The following YBX2 variants were observed in gnomAD, a reference collection of about 807,000 sequenced individuals.
YBX2 encodes the protein Y-box binding protein 2.
A neutral mutation model predicts 44.4 loss-of-function variants in YBX2; 5 were observed. The observed-to-expected ratio is 0.11, with a 90% CI of 0.06 to 0.24. YBX2 has a LOEUF of 0.24. YBX2 is among the 10% of genes least tolerant of loss of function. The pLI is 1.00. For missense variants in YBX2, 417 were observed against 526.9 expected (o/e 0.79, Z 2.04); for synonymous variants, 188 against 216.1 (o/e 0.87, Z 1.14).
intron 2 of YBX2, 64 bp from the exon 3 acceptor site, chr17:7,292,123 T>TCC (rs1325341940): frequency 7.7e-5 from 120 of 1,562,674 alleles, no homozygotes; most frequent in Non-Finnish European, 1.0e-4. Flanking sequence ...CTCACTGAGG[T>TCC]CCCCCTAGAT....
Position 7,289,702 on chromosome 17 carries a change from T to C in YBX2, c.872A>G (p.Gln291Arg). 1 of 1,611,250 alleles carries C rather than the reference T, an allele frequency of 6.2e-7. No homozygotes were observed. The highest frequency in any genetic ancestry group is 2.2e-5 in the East Asian group (1 of 44,822). ...ATCCCCACCTTCTGTGGTAGGCTGC[T>C]GGCGTGGCCTGGGGCGGAAAGGCCT... ...YRRPFRPRPR[Q>R]QPTTEGGDGE... Residue 291 changes from glutamine (Q) to arginine (R), a missense_variant, in exon 7 of 9, where the codon CAG (glutamine) becomes CGG (arginine). Physicochemically the swap from Gln to Arg is conservative, Grantham distance 43. Transcript: ENST00000007699.
rs1415307218 is a variant in YBX2 at position 7,294,337 on chromosome 17, G to A, written c.164C>T (p.Ala55Val). ...GGGGAASGPAAGTPSAPGSRT... is the reference protein window; with the variant it reads ...GGGGAASGPAVGTPSAPGSRT... ...GGAGCCCGGCGCCGAGGGGGTCCCA[G>A]CAGCGGGGCCCGAGGCGGCTCCGCC... Residue 55 changes from alanine (A) to valine (V), a missense_variant, in exon 1 of 9, where the codon GCT becomes GTT. By Grantham distance (64) the Ala-to-Val change is moderately conservative. Transcript: ENST00000007699. This position sits in a 1 kb window ranked among gnomAD's most constrained non-coding sequence, Gnocchi z 4.6. 22 of 1,321,036 alleles carry A rather than the reference G, an allele frequency of 1.7e-5. No homozygotes were observed. Among genetic ancestry groups the A allele is most frequent in the Non-Finnish European group, 2.0e-5 (21 of 1,041,812 alleles). 81.8% of individuals were successfully genotyped at this position (1,321,036 alleles called of 1,614,324 possible).
rs2072494102 is a variant in YBX2, at chr17:7,290,491, C to T, written c.504G>A (p.Val168=). Reference sequence around the variant, plus strand: ...GGTTGGGGGCATAACGGCTGCCCTTCACGGGTACTCCCCCAGGCCCAGTTA... The same window carrying T: ...GGTTGGGGGCATAACGGCTGCCCTTTACGGGTACTCCCCCAGGCCCAGTTA... ...TNVTGPGGVP[V]KGSRYAPNRR... is the part of the protein sequence containing the mutation. Residue 168 remains valine (V), a synonymous_variant, in exon 5 of 9, where the codon GTG becomes GTA. Coordinates refer to ENST00000007699, the MANE Select transcript of YBX2 (RefSeq NM_015982.4). 1 of 1,613,026 alleles carries T rather than the reference C, an allele frequency of 6.2e-7. No homozygotes were observed. The highest frequency in any genetic ancestry group is 8.5e-7 in the Non-Finnish European group (1 of 1,179,276).
At position 7,294,635 on chromosome 17, in the gene YBX2, A is replaced by C; in HGVS notation, c.-135T>G. 2.9e-6 allele frequency: 3 copies of C among 1,031,206 alleles called. No homozygotes were observed. Among genetic ancestry groups the C allele is most frequent in the Admixed American group, 4.7e-5 (1 of 21,094 alleles). The allele number at this position is 1,031,206 out of a possible 1,614,324, so 63.9% of individuals were successfully genotyped here. A position where few individuals can be genotyped will look rare whatever the true frequency, so the allele number is the denominator to read the frequency against. ...GGCAGCGGGCCCGGAGCCGAGGCCA[A>C]TGGCAGCCCGCTGCCGCCGCTCGCG... On this transcript the variant is annotated 5_prime_UTR_variant, in exon 1 of 9. Coordinates refer to ENST00000007699, the MANE Select transcript of YBX2 (RefSeq NM_015982.4). The surrounding 1 kb of genome is among the most constrained non-coding windows in gnomAD (Gnocchi z 4.6).
At position 7,294,258 on chromosome 17, in the gene YBX2, G is replaced by C; in HGVS notation, c.243C>G (p.Ala81=). The part of the protein sequence containing the change: ...TAVSGTPAPP[A]RSQADKPVLA... ...GCACCGGCTTGTCCGCCTGACTCCG[G>C]GCCGGGGGGGCGGGGGTTCCCGAGA... Residue 81 remains alanine (A), a synonymous_variant, in exon 1 of 9, where the codon GCC becomes GCG. Transcript: ENST00000007699. This position sits in a 1 kb window ranked among gnomAD's most constrained non-coding sequence, Gnocchi z 4.6. 7.8e-7 allele frequency: 1 copy of C among 1,274,398 alleles called. No homozygotes were observed. 78.9% of individuals were successfully genotyped at this position (1,274,398 alleles called of 1,614,324 possible). A position where few individuals can be genotyped will look rare whatever the true frequency, so the allele number is the denominator to read the frequency against.
In YBX2 at chr17:7,291,491, C is replaced by G. The variant is rs1023902060; in HGVS notation, c.370-309G>C. ...ACTCCAAAGCAAAAGGCAGGGACAG[C>G]CTTCAGTCGCAAAGTGGGTAGAATG... On this transcript the variant is annotated intron_variant, in intron 3 of 8. Coordinates refer to ENST00000007699, the MANE Select transcript of YBX2 (RefSeq NM_015982.4). This position sits in a 1 kb window ranked among gnomAD's most constrained non-coding sequence, Gnocchi z 5.8. The G allele has an allele frequency of 3.6e-5, 16 of 447,638 alleles. No homozygotes were observed. The highest frequency in any genetic ancestry group is 1.9e-4 in the South Asian group (9 of 48,076). The allele number at this position is 447,638 out of a possible 1,614,324, so 27.7% of individuals were successfully genotyped here. A position where few individuals can be genotyped will look rare whatever the true frequency, so the allele number is the denominator to read the frequency against.
chr17:7,291,903 A>G lies in YBX2; in HGVS notation c.369+123T>C. 7.7e-7 allele frequency: 1 copy of G among 1,292,636 alleles called. No homozygotes were observed. The highest frequency in any genetic ancestry group is 1.1e-6 in the Non-Finnish European group (1 of 893,290). The allele number at this position is 1,292,636 out of a possible 1,614,324, so 80.1% of individuals were successfully genotyped here. A position where few individuals can be genotyped will look rare whatever the true frequency, so the allele number is the denominator to read the frequency against. On this transcript the variant is annotated intron_variant, in intron 3 of 8. Transcript: ENST00000007699. This position sits in a 1 kb window ranked among gnomAD's most constrained non-coding sequence, Gnocchi z 5.8. ...CTAATGGTGGTTGACACAGGCACCC[A>G]AGGCGGATGGGCCGTTGTGAAGAAG...
rs754065779 is a variant in YBX2 at position 7,291,193 on chromosome 17, A to G, written c.370-11T>C. 5 of 1,613,050 alleles carry G rather than the reference A, an allele frequency of 3.1e-6. No homozygotes were observed. Among genetic ancestry groups the G allele is most frequent in the African/African-American group, 1.3e-5 (1 of 74,994 alleles). ...TCTTTTAATAGCTGTCTGATTGGGG[A>G]AAAGGCCATGTGAAAAGTGAGACAG... On this transcript the variant is annotated splice_polypyrimidine_tract_variant and intron_variant, in intron 3 of 8. Transcript: ENST00000007699. This position sits in a 1 kb window ranked among gnomAD's most constrained non-coding sequence, Gnocchi z 5.8.
chr17:7,288,570 A>C lies in YBX2; in HGVS notation c.*113T>G. The C allele has an allele frequency of 1.8e-6, 1 of 553,562 alleles. No individual in the cohort carries two copies. Among genetic ancestry groups the C allele is most frequent in the African/African-American group, 1.9e-5 (1 of 52,854 alleles). The allele number at this position is 553,562 out of a possible 1,614,324, so 34.3% of individuals were successfully genotyped here. On this transcript the variant is annotated 3_prime_UTR_variant, in exon 9 of 9. Transcript: ENST00000007699. ...GAAAAGGTGAAAAGCTGGTGTTTTGATGTCATGAATTATGGGAAAGGGGGA... is the reference window on the plus strand; with the variant it reads ...GAAAAGGTGAAAAGCTGGTGTTTTGCTGTCATGAATTATGGGAAAGGGGGA...
chr17:7,294,332 T>A lies in YBX2; in HGVS notation c.169A>T (p.Thr57Ser), dbSNP rs1472446727. The A allele has an allele frequency of 1.0e-5, 13 of 1,305,934 alleles. No individual in the cohort carries two copies. Among genetic ancestry groups the A allele is most frequent in the Middle Eastern group, 5.8e-4 (2 of 3,454 alleles). 80.9% of individuals were successfully genotyped at this position (1,305,934 alleles called of 1,614,324 possible). A position where few individuals can be genotyped will look rare whatever the true frequency, so the allele number is the denominator to read the frequency against. ...GTGCGGGAGCCCGGCGCCGAGGGGG[T>A]CCCAGCAGCGGGGCCCGAGGCGGCT... ...GGAASGPAAGTPSAPGSRTPG... is the reference protein window; with the variant it reads ...GGAASGPAAGSPSAPGSRTPG... The change falls in exon 1 of 9, where the codon ACC (threonine) becomes TCC (serine). Residue 57 changes from threonine (T) to serine (S), a missense_variant. Physicochemically the swap from Thr to Ser is moderately conservative, Grantham distance 58. Coordinates refer to ENST00000007699, the MANE Select transcript of YBX2 (RefSeq NM_015982.4). The surrounding 1 kb of genome is among the most constrained non-coding windows in gnomAD (Gnocchi z 4.6).
chr17:7,293,294 A>C (rs2072515010), intron 2 of YBX2, 181 bp downstream of exon 2: 8 of 1,092,678 alleles, frequency 7.3e-6, no homozygotes, highest in Non-Finnish European at 1.1e-5. Flanking sequence ...GAAGATGCGG[A>C]GGAGGCTTCC....
At chr17:7,290,663 A>G in intron 4 of YBX2, 128 bp from the exon 5 acceptor site, 1 of 1,134,716 alleles carries the variant, frequency 8.8e-7, no homozygotes, top group Non-Finnish European at 1.2e-6. Flanking sequence ...ACTTCTTTCT[A>G]CCCTCCCTGG....
In YBX2 at chr17:7,291,187, T is replaced by G. The variant is rs764247541; in HGVS notation, c.370-5A>C. 16 of 1,613,962 alleles carry G rather than the reference T, an allele frequency of 9.9e-6. No homozygotes were observed. Among genetic ancestry groups the G allele is most frequent in the Non-Finnish European group, 1.4e-5 (16 of 1,179,996 alleles). ...GTTGTTTCTTTTAATAGCTGTCTGA[T>G]TGGGGAAAAGGCCATGTGAAAAGTG... is the stretch of plus-strand genomic sequence containing the variant. On this transcript the variant is annotated splice_polypyrimidine_tract_variant and splice_region_variant and intron_variant, in intron 3 of 8. Coordinates refer to ENST00000007699, the MANE Select transcript of YBX2 (RefSeq NM_015982.4). The surrounding 1 kb of genome is among the most constrained non-coding windows in gnomAD (Gnocchi z 5.8).
chr17:7,291,500 G>A lies in YBX2; in HGVS notation c.370-318C>T, dbSNP rs765860202. ...CAAAAGGCAGGGACAGCCTTCAGTC[G>A]CAAAGTGGGTAGAATGCACTGTGCT... On this transcript the variant is annotated intron_variant, in intron 3 of 8. Coordinates refer to ENST00000007699, the MANE Select transcript of YBX2 (RefSeq NM_015982.4). The surrounding 1 kb of genome is among the most constrained non-coding windows in gnomAD (Gnocchi z 5.8). The A allele has an allele frequency of 1.6e-5, 7 of 435,568 alleles. No homozygotes were observed. The highest frequency in any genetic ancestry group is 8.4e-5 in the South Asian group (4 of 47,900). 27.0% of individuals were successfully genotyped at this position (435,568 alleles called of 1,614,324 possible).
At position 7,289,110 on chromosome 17, in the gene YBX2, C is replaced by T. The variant is rs201157915; in HGVS notation, c.1045-272G>A. Among the ~76,000 whole-genome samples the T allele has an allele frequency of 9.8e-5, 15 of 152,286 alleles. 1 individual carries two copies. In the East Asian group the frequency reaches 2.9e-3, roughly 29 times the overall value. On this transcript the variant is annotated intron_variant, in intron 7 of 8. Coordinates refer to ENST00000007699, the MANE Select transcript of YBX2 (RefSeq NM_015982.4). Reference sequence around the variant, plus strand: ...CTCCTGACCCCAACTGATCTGCCTGCTTCTGCCTCCCAAAGTGCTGGGATT... The same window carrying T: ...CTCCTGACCCCAACTGATCTGCCTGTTTCTGCCTCCCAAAGTGCTGGGATT...
At chr17:7,289,830 G>A in intron 6 of YBX2, 105 bp from the exon 7 acceptor site, 1 of 1,590,540 alleles carries the variant, frequency 6.3e-7, no homozygotes, top group South Asian at 1.1e-5. Flanking sequence ...CAGCCCATGA[G>A]CACTGCCTCC....
intron 7 of YBX2, 145 bp downstream of exon 7, chr17:7,289,385 C>A (rs2072480623): frequency 2.3e-6 from 3 of 1,298,350 alleles, no homozygotes; most frequent in East Asian, 2.5e-5. Context: ...AGGGGGGGAC[C>A]CAGCAGGCTG....
chr17:7,293,174 G>C (rs1324294716), intron 2 of YBX2: 1 of 481,274 alleles, frequency 2.1e-6, no homozygotes, highest in African/African-American at 2.0e-5. Context: ...CTGCCCCAAA[G>C]GCATGTCAGA....
In YBX2 at chr17:7,293,501, G is replaced by A. The variant is rs2072516657; in HGVS notation, c.309C>T (p.Val103=). 2 of 1,614,024 alleles carry A rather than the reference G, an allele frequency of 1.2e-6. No individual in the cohort carries two copies. The highest frequency in any genetic ancestry group is 3.3e-5 in the Admixed American group (2 of 60,000). The change falls in exon 2 of 9, where the codon GTC becomes GTT. Residue 103 remains valine (V), a synonymous_variant. Coordinates refer to ENST00000007699, the MANE Select transcript of YBX2 (RefSeq NM_015982.4). ...QVLGTVKWFN[V]RNGYGFINRN... is the part of the protein sequence containing the mutation. Reference sequence around the variant, plus strand: ...TGTTGATGAATCCGTAACCATTCCGGACGTTGAACCATTTGACAGTGCCCA... The same window carrying A: ...TGTTGATGAATCCGTAACCATTCCGAACGTTGAACCATTTGACAGTGCCCA...
Sources: gnomAD v4.1 joint callset for allele counts (sites outside exome capture counted in the v4.1 genomes callset) on GRCh38, gnomAD v4.1.1 for gene constraint, Gnocchi (gnomAD v3.1) non-coding constraint, MANE v1.5 for transcripts, NCBI Gene and HGNC (gene_info 2026-07-23, HGNC 2026-07-21) for gene names.